The following IL7R variants were observed in gnomAD, a reference collection of about 807,000 sequenced individuals.
IL7R encodes the protein interleukin-7 receptor subunit alpha.
IL7R carries 38 observed loss-of-function variants against 47.0 expected under a neutral mutation model. The observed-to-expected ratio is 0.81, with a 90% CI of 0.62 to 1.06. The LOEUF is 1.06. Ranked by LOEUF, IL7R falls within the 50% of genes least tolerant of loss-of-function variation. The pLI is 0.00. For synonymous variants in IL7R, 221 were observed against 199.8 expected, an observed-to-expected ratio of 1.11 and a Z score of -0.89; for missense variants, 633 against 534.8, an observed-to-expected ratio of 1.18 and a Z score of -1.81.
chr5:35,857,684 C>G (rs1759692419), intron 1 of IL7R, among the ~76,000 whole-genome samples: 1 of 152,076 alleles, frequency 6.6e-6, no homozygotes, highest in Non-Finnish European at 1.5e-5. Flanking sequence ...TGAATTGCCT[C>G]CACACCAACA....
rs1177447302 is a variant in IL7R, at chr5:35,876,785, G to A, written c.*299G>A. On this transcript the variant is annotated 3_prime_UTR_variant, in exon 8 of 8. Transcript: ENST00000303115. ...GAATGAAAGAGTAAAGGAAATGATT[G>A]AGGAGTGAGGAAGGCAGGAAGAGAG... is the stretch of plus-strand genomic sequence containing the variant. 4 of 438,120 alleles carry A rather than the reference G, an allele frequency of 9.1e-6. No individual in the cohort carries two copies. Among genetic ancestry groups the A allele is most frequent in the Non-Finnish European group, 1.7e-5 (4 of 242,112 alleles). 27.1% of individuals were successfully genotyped at this position (438,120 alleles called of 1,614,324 possible).
rs776642878 is a variant in IL7R, at chr5:35,857,003, G to C, written c.26G>C (p.Gly9Ala). The C allele has an allele frequency of 1.3e-5, 21 of 1,607,796 alleles. No individual in the cohort carries two copies. The South Asian group carries it at 1.9e-4, about 14-fold the overall frequency. MTILGTTFGMVFSLLQVVS... is the reference protein window; with the variant it reads MTILGTTFAMVFSLLQVVS... ...ATGACAATTCTAGGTACAACTTTTGGCATGGTTTTTTCTTTACTTCAAGTC... is the reference window on the plus strand; with the variant it reads ...ATGACAATTCTAGGTACAACTTTTGCCATGGTTTTTTCTTTACTTCAAGTC... The change falls in exon 1 of 8, where the codon GGC becomes GCC. Residue 9 changes from glycine to alanine, a missense_variant. Coordinates refer to ENST00000303115, the MANE Select transcript of IL7R (RefSeq NM_002185.5).
intron 5 of IL7R, among the ~76,000 whole-genome samples, chr5:35,874,235 T>G: frequency 6.6e-6 from 1 of 152,174 alleles, no homozygotes; most frequent in Middle Eastern, 3.2e-3. Flanking sequence ...CGTTTACATT[T>G]CAAGTGGCAG....
In IL7R at chr5:35,876,147, C is replaced by T. The variant is rs2149905545; in HGVS notation, c.1041C>T (p.Pro347=). 1 of 1,614,104 alleles carries T rather than the reference C, an allele frequency of 6.2e-7. No homozygotes were observed. Among genetic ancestry groups the T allele is most frequent in the South Asian group, 1.1e-5 (1 of 91,078 alleles). The change falls in exon 8 of 8, where the codon CCC becomes CCT. Residue 347 remains proline (P), a synonymous_variant. Coordinates refer to ENST00000303115, the MANE Select transcript of IL7R (RefSeq NM_002185.5). Reference sequence around the variant, plus strand: ...GGCTTGGAGGGGATGTGCAGAGCCCCAACTGCCCATCTGAGGATGTAGTCA... The same window carrying T: ...GGCTTGGAGGGGATGTGCAGAGCCCTAACTGCCCATCTGAGGATGTAGTCA... ...KQRLGGDVQS[P]NCPSEDVVIT...
intron 2 of IL7R, among the ~76,000 whole-genome samples, 179 bp downstream of exon 2, chr5:35,861,169 C>T (rs11567706): frequency 8.7e-4 from 133 of 152,270 alleles, no homozygotes; most frequent in African/African-American, 3.1e-3. Context: ...ATACAAATCT[C>T]CTCTCACGGT....
intron 2 of IL7R, among the ~76,000 whole-genome samples, chr5:35,862,949 A>G (rs548549685): frequency 5.3e-5 from 8 of 152,168 alleles, no homozygotes; most frequent in Admixed American, 2.0e-4. Context: ...CAACATTACC[A>G]TCTTCAGATC....
chr5:35,864,983 T>C lies in IL7R; in HGVS notation c.222-2323T>C, dbSNP rs1448795040. ...AGTTTTTTTAATTATTATTATACTT[T>C]AAGTTCTAGGGTACATGTGCACAAC... is the stretch of plus-strand genomic sequence containing the variant. On this transcript the variant is annotated intron_variant, in intron 2 of 7. Transcript: ENST00000303115. Among the ~76,000 whole-genome samples the C allele has an allele frequency of 2.0e-5, 3 of 152,200 alleles. 1 individual carries two copies. Among genetic ancestry groups the C allele is most frequent in the African/African-American group, 7.2e-5 (3 of 41,458 alleles).
rs200130042 is a variant in IL7R at position 35,873,698 on chromosome 5, A to C, written c.706+50A>C. On this transcript the variant is annotated intron_variant, in intron 5 of 7. Transcript: ENST00000303115. ...GTTCCCTCAGAGTGCTTTGCATGTC[A>C]AAGTGTGGGAGCAAGTGAGAGGAAG... 357 of 1,545,670 alleles carry C rather than the reference A, an allele frequency of 2.3e-4. 15 individuals carry two copies. The South Asian group carries it at 3.1e-3, about 13-fold the overall frequency.
In IL7R at chr5:35,877,940, G is replaced by C. The variant is rs901331330; in HGVS notation, c.*1454G>C. 6 of 233,014 alleles carry C rather than the reference G, an allele frequency of 2.6e-5. No individual in the cohort carries two copies. In the East Asian group the frequency reaches 3.6e-4, roughly 14 times the overall value. The allele number at this position is 233,014 out of a possible 1,614,324, so 14.4% of individuals were successfully genotyped here. A position where few individuals can be genotyped will look rare whatever the true frequency, so the allele number is the denominator to read the frequency against. On this transcript the variant is annotated 3_prime_UTR_variant, in exon 8 of 8. Coordinates refer to ENST00000303115, the MANE Select transcript of IL7R (RefSeq NM_002185.5). ...GATGCTGCACAGAAAACTAGAGAAGGGGTCATAGGTTCATGGTTTTGTTTG... is the reference window on the plus strand; with the variant it reads ...GATGCTGCACAGAAAACTAGAGAAGCGGTCATAGGTTCATGGTTTTGTTTG...
chr5:35,871,749 CTT>C (rs1760079424), intron 4 of IL7R, among the ~76,000 whole-genome samples: 1 of 152,140 alleles, frequency 6.6e-6, no homozygotes, highest in Non-Finnish European at 1.5e-5. Flanking sequence ...TAGATGCTCT[CTT>C]CATGATTTGT....
intron 3 of IL7R, 107 bp from the exon 4 acceptor site, chr5:35,870,949 C>G: frequency 1.0e-6 from 1 of 967,254 alleles, no homozygotes; most frequent in Non-Finnish European, 1.7e-6. Flanking sequence ...TGGCCATTTA[C>G]TGACACAAAA....
intron 6 of IL7R, among the ~76,000 whole-genome samples, chr5:35,875,053 G>A (rs187467597): frequency 5.3e-4 from 80 of 152,288 alleles, no homozygotes; most frequent in African/African-American, 1.9e-3. Flanking sequence ...TGCCTGGAAA[G>A]TACTAAGCAA....
intron 1 of IL7R, 98 bp from the exon 2 acceptor site, chr5:35,860,754 G>A (rs1759782009): frequency 1.7e-6 from 2 of 1,188,594 alleles, no homozygotes; most frequent in Non-Finnish European, 1.3e-6. Flanking sequence ...ACTATTTCAT[G>A]TCTGCCACAG....
Position 35,867,376 on chromosome 5 carries a change from A to C in IL7R, c.292A>C (p.Lys98Gln). ...LQEIYFIETK[K>Q]FLLIGKSNIC... ...AGAGATATATTTCATCGAGACAAAG[A>C]AATTCTTACTGATTGGAAAGAGCAA... Residue 98 changes from lysine to glutamine, a missense_variant, in exon 3 of 8, where the codon AAA becomes CAA. Transcript: ENST00000303115. The C allele has an allele frequency of 6.2e-7, 1 of 1,613,638 alleles. No individual in the cohort carries two copies. The highest frequency in any genetic ancestry group is 8.5e-7 in the Non-Finnish European group (1 of 1,179,596).
At position 35,871,165 on chromosome 5, in the gene IL7R, A is replaced by C; in HGVS notation, c.489A>C (p.Leu163Phe). The C allele has an allele frequency of 6.2e-7, 1 of 1,613,432 alleles. No homozygotes were observed. The highest frequency in any genetic ancestry group is 1.1e-5 in the South Asian group (1 of 91,078). Residue 163 changes from leucine (L) to phenylalanine (F), a missense_variant, in exon 4 of 8, where the codon TTA becomes TTC. Physicochemically the swap from Leu to Phe is conservative, Grantham distance 22. Coordinates refer to ENST00000303115, the MANE Select transcript of IL7R (RefSeq NM_002185.5). ...TGCAAAAGAAGTATGTAAAAGTTTT[A>C]ATGCACGATGTAGCTTACCGCCAGG... ...SHLQKKYVKV[L>F]MHDVAYRQEK...
intron 3 of IL7R, 138 bp from the exon 4 acceptor site, chr5:35,870,918 A>G: frequency 1.3e-6 from 1 of 753,694 alleles, no homozygotes; most frequent in Non-Finnish European, 2.3e-6. Flanking sequence ...CCCAAGAAGA[A>G]GAAATGGTTT....
intron 1 of IL7R, among the ~76,000 whole-genome samples, chr5:35,858,817 C>G (rs1759727017): frequency 6.6e-6 from 1 of 152,140 alleles, no homozygotes; most frequent in African/African-American, 2.4e-5. Flanking sequence ...AGTGATTGCT[C>G]ATAGCACGAG....
chr5:35,879,295 G>A lies in IL7R; in HGVS notation c.*2809G>A, dbSNP rs1760293014. On this transcript the variant is annotated 3_prime_UTR_variant, in exon 8 of 8. Coordinates refer to ENST00000303115, the MANE Select transcript of IL7R (RefSeq NM_002185.5). ...AATTTGCTTCAGAAAAGCCAAGTAT[G>A]GGCTGTTCAGAGGTGCACACCTGCA... The A allele has an allele frequency of 4.3e-6, 1 of 232,860 alleles. No homozygotes were observed. The highest frequency in any genetic ancestry group is 8.5e-6 in the Non-Finnish European group (1 of 117,800). The allele number at this position is 232,860 out of a possible 1,614,324, so 14.4% of individuals were successfully genotyped here.
intron 2 of IL7R, among the ~76,000 whole-genome samples, chr5:35,863,607 A>G (rs374502806): frequency 1.3e-5 from 2 of 152,170 alleles, no homozygotes; most frequent in African/African-American, 4.8e-5. Flanking sequence ...TCTTTCATAT[A>G]CGCAAACTTA....
Sources: allele counts gnomAD v4.1 joint callset (sites outside exome capture counted in the v4.1 genomes callset), GRCh38; gene constraint gnomAD v4.1.1; transcripts MANE v1.5; gene names NCBI Gene and HGNC (gene_info 2026-07-23, HGNC 2026-07-21).